NT5DC1: variants seen among roughly 807,000 people sequenced by gnomAD.
The protein encoded by NT5DC1 is 5'-nucleotidase domain containing 1, also known as 5'-nucleotidase domain-containing protein 1.
NT5DC1 carries 42 observed loss-of-function variants against 59.4 expected under a neutral mutation model. That is an observed-to-expected ratio of 0.71 (90% CI 0.55 to 0.92). NT5DC1 has a LOEUF of 0.92. Ranked by LOEUF, NT5DC1 falls within the 40% of genes least tolerant of loss-of-function variation. The pLI, the probability that NT5DC1 is intolerant of heterozygous loss-of-function variation, is 0.00. For synonymous variants in NT5DC1, 172 were observed against 188.1 expected, an observed-to-expected ratio of 0.91 and a Z score of 0.70; for missense variants, 501 against 537.1, an observed-to-expected ratio of 0.93 and a Z score of 0.66.
intron 6 of NT5DC1, among the ~76,000 whole-genome samples, chr6:116,136,899 TCCAGC>T (rs1390064236): frequency 6.6e-6 from 1 of 152,126 alleles, no homozygotes; most frequent in African/African-American, 2.4e-5. Flanking sequence ...ACAAGAAGAA[TCCAGC>T]CTGTGTTTGT....
chr6:116,212,057 T>A (rs781524488), intron 6 of NT5DC1, among the ~76,000 whole-genome samples: 14 of 152,254 alleles, frequency 9.2e-5, no homozygotes, highest in Middle Eastern at 3.4e-3. Context: ...TATATATTTA[T>A]GTTTGTTATA....
At chr6:116,196,866 G>A (rs1781239167) in intron 6 of NT5DC1, among the ~76,000 whole-genome samples, 1 of 151,646 alleles carries the variant, frequency 6.6e-6, no homozygotes, top group Admixed American at 6.6e-5. Flanking sequence ...TCATTAGACA[G>A]GGAAAGCAGA....
In NT5DC1 at chr6:116,117,871, G is replaced by A. The variant is rs35155337; in HGVS notation, c.455G>A (p.Gly152Asp). ...GAATTATTTTTTCAGCTGAACAATG[G>A]TCAAAAAACATTTGATTTTTGGAAG... ...VVDYLTKLNN[G>D]QKTFDFWKDI... Residue 152 changes from glycine (G) to aspartate (D), a missense_variant, in exon 6 of 12, where the codon GGT (glycine) becomes GAT (aspartate). Gly to Asp is a moderately conservative substitution (Grantham distance 94). Transcript: ENST00000319550. 2.6e-6 allele frequency: 4 copies of A among 1,558,340 alleles called. No homozygotes were observed. The highest frequency in any genetic ancestry group is 1.7e-4 in the Middle Eastern group (1 of 5,814).
chr6:116,144,432 C>A (rs908268722), intron 6 of NT5DC1, among the ~76,000 whole-genome samples: 1 of 147,874 alleles, frequency 6.8e-6, no homozygotes, highest in Admixed American at 6.8e-5. Context: ...ACCCAGGAGG[C>A]AGAGGTTGCA....
chr6:116,178,758 G>A (rs1780808155), intron 6 of NT5DC1, among the ~76,000 whole-genome samples: 1 of 152,176 alleles, frequency 6.6e-6, no homozygotes. Flanking sequence ...CCCAAAATGT[G>A]AGCATCTCAG....
chr6:116,223,408 T>A (rs1781848844), intron 8 of NT5DC1, among the ~76,000 whole-genome samples: 1 of 152,254 alleles, frequency 6.6e-6, no homozygotes, highest in Non-Finnish European at 1.5e-5. Flanking sequence ...AAGGATGGAT[T>A]ACTTGTGATA....
chr6:116,120,500 A>G, intron 6 of NT5DC1: 1 of 1,614,228 alleles, frequency 6.2e-7, no homozygotes, highest in Non-Finnish European at 8.5e-7. Flanking sequence ...GGCACTAACA[A>G]GAGGGGTCCC....
At chr6:116,124,135 TAA>T (rs1397247283) in intron 6 of NT5DC1, among the ~76,000 whole-genome samples, 6 of 152,160 alleles carry the variant, frequency 3.9e-5, no homozygotes, top group African/African-American at 7.2e-5. Flanking sequence ...TTTCAAATAT[TAA>T]GTTTCCTTTT....
At chr6:116,101,299 T>C (rs138793090) in intron 1 of NT5DC1, among the ~76,000 whole-genome samples, 109 of 152,002 alleles carry the variant, frequency 7.2e-4, no homozygotes, top group African/African-American at 2.5e-3. Context: ...AAGACCGGGC[T>C]GGGGAATCGG....
At chr6:116,110,209 G>A (rs563962) in intron 3 of NT5DC1, among the ~76,000 whole-genome samples, 91,728 of 152,126 alleles carry the variant, frequency 0.6, 28,018 homozygotes, top group South Asian at 0.79. Flanking sequence ...ATATTTCTCT[G>A]TAGCATAGGA....
At chr6:116,182,218 G>GGAGAGAGA (rs570519967) in intron 6 of NT5DC1, among the ~76,000 whole-genome samples, 2 of 133,330 alleles carry the variant, frequency 1.5e-5, no homozygotes, top group South Asian at 4.4e-4. Context: ...AGTATTCCAT[G>GGAGAGAGA]GAGAGTGTGT....
intron 6 of NT5DC1, among the ~76,000 whole-genome samples, chr6:116,155,174 T>C (rs1481199852): frequency 6.6e-6 from 1 of 152,184 alleles, no homozygotes; most frequent in Non-Finnish European, 1.5e-5. Flanking sequence ...TTGGATTAGT[T>C]AAGGTTACAA....
At chr6:116,227,746 G>T (rs1781937911) in intron 8 of NT5DC1, among the ~76,000 whole-genome samples, 1 of 152,122 alleles carries the variant, frequency 6.6e-6, no homozygotes, top group African/African-American at 2.4e-5. Context: ...ATAACTGCTA[G>T]ACATTTGTAT....
intron 6 of NT5DC1, among the ~76,000 whole-genome samples, chr6:116,154,160 T>G (rs575003107): frequency 6.6e-6 from 1 of 151,710 alleles, no homozygotes; most frequent in East Asian, 1.9e-4. Context: ...AGAATAGCAA[T>G]AAGAGTCTAT....
intron 4 of NT5DC1, among the ~76,000 whole-genome samples, chr6:116,113,935 A>T (rs1416910878): frequency 6.6e-6 from 1 of 152,178 alleles, no homozygotes; most frequent in Non-Finnish European, 1.5e-5. Flanking sequence ...AGTGCAGATT[A>T]ATGAACCTTG....
chr6:116,209,308 G>A (rs753111078), intron 6 of NT5DC1, among the ~76,000 whole-genome samples: 4 of 151,842 alleles, frequency 2.6e-5, no homozygotes, highest in Non-Finnish European at 4.4e-5. Context: ...TGTGGGCTGT[G>A]GTTTGCCAAC....
chr6:116,195,135 TGTTA>T (rs911013827), intron 6 of NT5DC1, among the ~76,000 whole-genome samples: 64 of 152,174 alleles, frequency 4.2e-4, no homozygotes, highest in African/African-American at 1.4e-3. Flanking sequence ...ATCATCTCAT[TGTTA>T]GTTCTCTTGT....
rs1277375720 is a variant in NT5DC1, at chr6:116,245,208, A to G, written c.*1184A>G. ...TAGCTATTTGTTGCAAGATACTTGA[A>G]GCCAAATGTTTGCAGTATAGGTTCC... On this transcript the variant is annotated 3_prime_UTR_variant, in exon 12 of 12. Transcript: ENST00000319550. 6.6e-6 allele frequency: 1 copy of G among 152,182 alleles called. No individual in the cohort carries two copies. The highest frequency in any genetic ancestry group is 1.5e-5 in the Non-Finnish European group (1 of 68,022). The allele number at this position is 152,182 out of a possible 1,614,324, so 9.4% of individuals were successfully genotyped here. A position where few individuals can be genotyped will look rare whatever the true frequency, so the allele number is the denominator to read the frequency against.
intron 10 of NT5DC1, 115 bp downstream of exon 10, chr6:116,238,463 TTA>T: frequency 2.6e-6 from 1 of 387,672 alleles, no homozygotes; most frequent in Non-Finnish European, 4.1e-6. Context: ...TACCATCATG[TTA>T]AAAAAAAAAA....
Sources: allele counts gnomAD v4.1 joint callset (sites outside exome capture counted in the v4.1 genomes callset), GRCh38; gene constraint gnomAD v4.1.1; transcripts MANE v1.5; gene names NCBI Gene and HGNC (gene_info 2026-07-23, HGNC 2026-07-21).